Variants in HTR3B observed in about 807,000 individuals in gnomAD.
The protein encoded by HTR3B is 5-hydroxytryptamine receptor 3B.
HTR3B carries 44 observed loss-of-function variants against 42.8 expected under a neutral mutation model. The observed-to-expected ratio is 1.03, with a 90% CI of 0.81 to 1.32. The LOEUF (loss-of-function observed/expected upper bound fraction) is 1.32. Ranked by LOEUF, HTR3B falls within the 40% of genes most tolerant of loss-of-function variation. The probability of loss-of-function intolerance (pLI) is 0.00; values close to 1 mark genes in which losing one functional copy is unlikely to be tolerated. For synonymous variants in HTR3B, 203 were observed against 209.0 expected (o/e 0.97, Z 0.25); for missense variants, 527 against 536.5 (o/e 0.98, Z 0.17).
intron 3 of HTR3B, 126 bp downstream of exon 3, chr11:113,931,554 T>A: frequency 1.4e-6 from 1 of 707,202 alleles, no homozygotes; most frequent in Non-Finnish European, 2.4e-6. Context: ...GCAGACCTAA[T>A]GTATTATAAT....
rs111472496 is a variant in HTR3B, at chr11:113,909,604, A to G, written c.213+149A>G. 7.2e-4 allele frequency: 474 copies of G among 662,664 alleles called. 1 individual carries two copies. The highest frequency in any genetic ancestry group is 6.4e-3 in the African/African-American group (354 of 54,936). The allele number at this position is 662,664 out of a possible 1,614,324, so 41.0% of individuals were successfully genotyped here. On this transcript the variant is annotated intron_variant, in intron 2 of 8. Coordinates refer to ENST00000260191, the MANE Select transcript of HTR3B (RefSeq NM_006028.5). ...TAGATTCATTTTAGCAGTTAGGTAA[A>G]ATATTCATTAGGCAAATCATGCTTT...
At chr11:113,900,032 C>T (rs144211818), upstream of HTR3B, among the ~76,000 whole-genome samples, 58 of 152,100 alleles carry the variant, frequency 3.8e-4, no homozygotes, top group East Asian at 0.011. Context: ...TTTGGGAGGC[C>T]GAGGCAGGTG....
rs1949758618 is a variant in HTR3B at position 113,909,213 on chromosome 11, C to A, written c.53-82C>A. ...GAAAGCTATATTCTAGTAAAAGCCA[C>A]CGAGTCCTGAACAGTCTGAAACCTC... On this transcript the variant is annotated intron_variant, in intron 1 of 8. Transcript: ENST00000260191. 2.8e-6 allele frequency: 3 copies of A among 1,077,264 alleles called. No homozygotes were observed. In the Admixed American group the frequency reaches 5.5e-5, roughly 20 times the overall value. The allele number at this position is 1,077,264 out of a possible 1,614,324, so 66.7% of individuals were successfully genotyped here. A position where few individuals can be genotyped will look rare whatever the true frequency, so the allele number is the denominator to read the frequency against.
chr11:113,922,567 TCTGAGCGAGACGCA>T (rs1698019136), intron 2 of HTR3B, among the ~76,000 whole-genome samples: 1 of 151,950 alleles, frequency 6.6e-6, no homozygotes, highest in Non-Finnish European at 1.5e-5. Context: ...ATTTATTTTT[TCTGAGCGAGACGCA>T]GTCTCGCTCT....
chr11:113,910,434 T>A (rs1027753388), intron 2 of HTR3B, among the ~76,000 whole-genome samples: 10 of 147,308 alleles, frequency 6.8e-5, no homozygotes, highest in African/African-American at 2.6e-4. Flanking sequence ...TTATTTTGAT[T>A]TCTCTCTCTT....
chr11:113,940,420 T>C (rs954259494), intron 6 of HTR3B, among the ~76,000 whole-genome samples: 1 of 152,188 alleles, frequency 6.6e-6, no homozygotes. Context: ...CTCTGGCCAC[T>C]TGATTCCCTT....
chr11:113,940,191 C>T (rs908838542), intron 6 of HTR3B, among the ~76,000 whole-genome samples: 1 of 152,112 alleles, frequency 6.6e-6, no homozygotes. Context: ...CTGGCCTGTC[C>T]CCTTGATTTT....
chr11:113,903,462 C>T (rs1385228700), upstream of HTR3B, among the ~76,000 whole-genome samples: 4 of 144,844 alleles, frequency 2.8e-5, no homozygotes, highest in African/African-American at 1.0e-4. Flanking sequence ...CGGAGTCTCC[C>T]TCTGTCTCCC....
At chr11:113,900,300 C>T (rs1949689025), upstream of HTR3B, among the ~76,000 whole-genome samples, 1 of 151,966 alleles carries the variant, frequency 6.6e-6, no homozygotes, top group African/African-American at 2.4e-5. Context: ...CTCATGATTC[C>T]AAATTTTGAC....
chr11:113,906,800 C>T (rs552543260), intron 1 of HTR3B, among the ~76,000 whole-genome samples: 147 of 152,282 alleles, frequency 9.7e-4, no homozygotes, highest in Non-Finnish European at 1.3e-3. Flanking sequence ...ATAGTGCACT[C>T]CTCACAGAGC....
At position 113,935,042 on chromosome 11, in the gene HTR3B, G is replaced by GCACA. The variant is rs139606463; in HGVS notation, c.696+1967_696+1970dup. 7.7e-4 allele frequency among the ~76,000 whole-genome samples: 116 copies of GCACA among 150,486 alleles called. 1 individual carries two copies. The highest frequency in any genetic ancestry group is 2.2e-3 in the African/African-American group (89 of 40,986). On this transcript the variant is annotated intron_variant, in intron 6 of 8. Transcript: ENST00000260191. The stretch of plus-strand genomic sequence containing the variant: ...TGCTTGCATACACAGGCACACATGT[G>GCACA]CACACACACACACACACACACTCTC...
intron 2 of HTR3B, among the ~76,000 whole-genome samples, chr11:113,910,963 A>C (rs1367232626): frequency 6.6e-6 from 1 of 150,470 alleles, no homozygotes; most frequent in Non-Finnish European, 1.5e-5. Flanking sequence ...AGTAGCTGGG[A>C]CTACAGGCGC....
intron 6 of HTR3B, among the ~76,000 whole-genome samples, chr11:113,942,057 G>T (rs1950139504): frequency 6.6e-6 from 1 of 152,116 alleles, no homozygotes; most frequent in African/African-American, 2.4e-5. Flanking sequence ...TCCAAGGAAG[G>T]AGATAGATTA....
chr11:113,945,285 C>T (rs1397098773), intron 8 of HTR3B, among the ~76,000 whole-genome samples: 1 of 151,866 alleles, frequency 6.6e-6, no homozygotes, highest in Non-Finnish European at 1.5e-5. Context: ...TAGGCGTGTG[C>T]CACCATGCCT....
At chr11:113,929,139 A>G (rs966793525) in intron 2 of HTR3B, among the ~76,000 whole-genome samples, 2 of 152,180 alleles carry the variant, frequency 1.3e-5, no homozygotes, top group Non-Finnish European at 2.9e-5. Context: ...CCAACAGTGC[A>G]CAAGGGTTCC....
intron 2 of HTR3B, among the ~76,000 whole-genome samples, chr11:113,930,090 TTC>T (rs1950018037): frequency 6.6e-6 from 1 of 152,090 alleles, no homozygotes; most frequent in African/African-American, 2.4e-5. Context: ...GTTGTGGGAG[TTC>T]TTTATGTCCT....
intron 1 of HTR3B, among the ~76,000 whole-genome samples, chr11:113,908,159 G>T (rs2137483402): frequency 6.6e-6 from 1 of 152,290 alleles, no homozygotes; most frequent in East Asian, 1.9e-4. Context: ...AAGGAGTCTG[G>T]CATTGTACCT....
chr11:113,939,641 C>T (rs1158933787), intron 6 of HTR3B, among the ~76,000 whole-genome samples: 1 of 152,198 alleles, frequency 6.6e-6, no homozygotes. Flanking sequence ...CATAGATTTG[C>T]TGTCGTGTCA....
intron 2 of HTR3B, among the ~76,000 whole-genome samples, chr11:113,910,292 A>C (rs78031789): frequency 0.013 from 1,916 of 152,322 alleles, 33 homozygotes; most frequent in African/African-American, 0.044. Context: ...TGTGGGAATG[A>C]AACGAACACT....
Sources: gnomAD v4.1 joint callset for allele counts (sites outside exome capture counted in the v4.1 genomes callset) on GRCh38, gnomAD v4.1.1 for gene constraint, MANE v1.5 for transcripts, NCBI Gene and HGNC (gene_info 2026-07-23, HGNC 2026-07-21) for gene names.